The following DTD1 variants were observed in gnomAD, a reference collection of about 807,000 sequenced individuals.
DTD1 encodes D-aminoacyl-tRNA deacylase 1.
DTD1 carries 13 observed loss-of-function variants against 25.6 expected under a neutral mutation model. That is an observed-to-expected ratio of 0.51 (90% CI 0.33 to 0.81). The LOEUF (loss-of-function observed/expected upper bound fraction) is 0.81. Ranked by LOEUF, DTD1 falls within the 30% of genes least tolerant of loss-of-function variation. The pLI is 0.02. For missense variants in DTD1, 193 were observed against 266.4 expected (o/e 0.72, Z 1.92); for synonymous variants, 110 against 103.6 (o/e 1.06, Z -0.37).
At chr20:18,655,969 C>T (rs2122362409) in intron 4 of DTD1, among the ~76,000 whole-genome samples, 1 of 152,212 alleles carries the variant, frequency 6.6e-6, no homozygotes, top group East Asian at 1.9e-4. Context: ...CGGGGTTTCA[C>T]CATGTTGGCC....
intron 3 of DTD1, among the ~76,000 whole-genome samples, chr20:18,621,937 G>A (rs2060735937): frequency 6.6e-6 from 1 of 152,126 alleles, no homozygotes. Flanking sequence ...GGTGGTGGGC[G>A]CCTGTAGTCC....
chr20:18,648,898 A>T (rs1600342960), intron 4 of DTD1, among the ~76,000 whole-genome samples: 1 of 138,906 alleles, frequency 7.2e-6, no homozygotes, highest in East Asian at 2.3e-4. Flanking sequence ...CGGGAGGCTG[A>T]GGCGGGAGAA....
intron 3 of DTD1, among the ~76,000 whole-genome samples, chr20:18,622,489 C>T (rs1687235742): frequency 6.6e-6 from 1 of 152,180 alleles, no homozygotes; most frequent in African/African-American, 2.4e-5. Flanking sequence ...TCATTTTCTC[C>T]AGGCTTTTTC....
At chr20:18,758,644 T>C (rs938815166) in intron 5 of DTD1, among the ~76,000 whole-genome samples, 1 of 152,216 alleles carries the variant, frequency 6.6e-6, no homozygotes, top group African/African-American at 2.4e-5. Flanking sequence ...AGACAGTTTG[T>C]TGTAATTTGT....
intron 3 of DTD1, among the ~76,000 whole-genome samples, chr20:18,602,217 T>C: frequency 1.1e-5 from 1 of 89,092 alleles, no homozygotes; most frequent in Non-Finnish European, 2.4e-5. Context: ...GAAGGGAAGT[T>C]TAGAGAAAAA....
intron 4 of DTD1, among the ~76,000 whole-genome samples, chr20:18,659,753 G>C (rs1407632432): frequency 2.0e-5 from 3 of 151,928 alleles, no homozygotes; most frequent in East Asian, 1.9e-4. Context: ...GGGCCTGTCA[G>C]GGAGTGGGGG....
chr20:18,758,480 C>T (rs2061348143), intron 5 of DTD1, among the ~76,000 whole-genome samples: 1 of 152,142 alleles, frequency 6.6e-6, no homozygotes, highest in Non-Finnish European at 1.5e-5. Flanking sequence ...TGTCTTTGTT[C>T]TCGTTGGTTT....
intron 4 of DTD1, among the ~76,000 whole-genome samples, chr20:18,740,713 C>T (rs938665194): frequency 6.6e-6 from 1 of 152,232 alleles, no homozygotes; most frequent in Middle Eastern, 3.4e-3. Flanking sequence ...CCATCTTAAC[C>T]ATTTTAAGTG....
intron 4 of DTD1, among the ~76,000 whole-genome samples, chr20:18,735,720 CTTGAG>C (rs983119741): frequency 1.3e-5 from 2 of 152,198 alleles, no homozygotes; most frequent in Admixed American, 6.5e-5. Flanking sequence ...AAGAATAAGT[CTTGAG>C]TTGAGTTGAG....
intron 3 of DTD1, among the ~76,000 whole-genome samples, chr20:18,626,121 A>G (rs546676192): frequency 3.9e-5 from 6 of 152,232 alleles, no homozygotes; most frequent in Non-Finnish European, 8.8e-5. Flanking sequence ...AGGCATGACA[A>G]TAGTAATAAT....
chr20:18,751,493 C>CTT (rs778107166), intron 5 of DTD1, among the ~76,000 whole-genome samples: 13 of 144,934 alleles, frequency 9.0e-5, no homozygotes, highest in African/African-American at 2.3e-4. Flanking sequence ...CTTAAATAGT[C>CTT]TTTTTTTTTT....
At position 18,696,386 on chromosome 20, in the gene DTD1, G is replaced by A. The variant is rs146458944; in HGVS notation, c.478-47714G>A. Among the ~76,000 whole-genome samples, 163 of 152,248 alleles carry A rather than the reference G, an allele frequency of 1.1e-3. 1 individual carries two copies. Among genetic ancestry groups the A allele is most frequent in the African/African-American group, 3.7e-3 (155 of 41,534 alleles). On this transcript the variant is annotated intron_variant, in intron 4 of 5. Coordinates refer to ENST00000377452, the MANE Select transcript of DTD1 (RefSeq NM_080820.6). ...GTTTCCACGTCTTTCTCGGTCTCAGGTGGTTTGGTTACCCCAGCCCTTCAG... is the reference window on the plus strand; with the variant it reads ...GTTTCCACGTCTTTCTCGGTCTCAGATGGTTTGGTTACCCCAGCCCTTCAG...
chr20:18,614,508 A>T, intron 3 of DTD1, among the ~76,000 whole-genome samples: 1 of 152,148 alleles, frequency 6.6e-6, no homozygotes, highest in East Asian at 1.9e-4. Flanking sequence ...CAGGTGTGTG[A>T]CTGGCCTGAG....
In DTD1 at chr20:18,765,967, C is replaced by G. The variant is rs1249351901; in HGVS notation, c.*2627C>G. The G allele has an allele frequency of 1.3e-5, 2 of 152,240 alleles. No homozygotes were observed. The highest frequency in any genetic ancestry group is 3.9e-4 in the East Asian group (2 of 5,194). 9.4% of individuals were successfully genotyped at this position (152,240 alleles called of 1,614,324 possible). A position where few individuals can be genotyped will look rare whatever the true frequency, so the allele number is the denominator to read the frequency against. On this transcript the variant is annotated 3_prime_UTR_variant, in exon 6 of 6. Coordinates refer to ENST00000377452, the MANE Select transcript of DTD1 (RefSeq NM_080820.6). Reference sequence around the variant, plus strand: ...GTGCTGTGCCGATAACACTGCATAGCAGGACCCATTTAATCTTGCCTTTGG... The same window carrying G: ...GTGCTGTGCCGATAACACTGCATAGGAGGACCCATTTAATCTTGCCTTTGG...
In DTD1 at chr20:18,624,868, G is replaced by C. The variant is rs1350177372; in HGVS notation, c.371-3259G>C. On this transcript the variant is annotated intron_variant, in intron 3 of 5. Transcript: ENST00000377452. ...GCATAGTTGGGAATTTAACTTCCCA[G>C]CTAAAGGTAAACTTTGGTCCTAGAC... Among the ~76,000 whole-genome samples, 4 of 152,264 alleles carry C rather than the reference G, an allele frequency of 2.6e-5. No individual in the cohort carries two copies. The East Asian group carries it at 7.7e-4, about 29-fold the overall frequency.
intron 4 of DTD1, among the ~76,000 whole-genome samples, chr20:18,689,285 G>C (rs1036083803): frequency 6.6e-6 from 1 of 152,058 alleles, no homozygotes; most frequent in Non-Finnish European, 1.5e-5. Context: ...TCCACTGCCC[G>C]CCCCCTTTGT....
chr20:18,763,529 T>A lies in DTD1; in HGVS notation c.*189T>A, dbSNP rs1290558120. ...GGACCGTTTTATCGTTTTCTGTTGT[T>A]GCTGTGGTGGAGTGATGCAGTGGGC... is the stretch of plus-strand genomic sequence containing the variant. On this transcript the variant is annotated 3_prime_UTR_variant, in exon 6 of 6. Transcript: ENST00000377452. 1 of 152,738 alleles carries A rather than the reference T, an allele frequency of 6.5e-6. No individual in the cohort carries two copies. Among genetic ancestry groups the A allele is most frequent in the African/African-American group, 2.4e-5 (1 of 41,472 alleles). 9.5% of individuals were successfully genotyped at this position (152,738 alleles called of 1,614,324 possible).
chr20:18,597,568 A>C (rs1323010200), intron 3 of DTD1, among the ~76,000 whole-genome samples: 2 of 152,076 alleles, frequency 1.3e-5, no homozygotes, highest in Non-Finnish European at 2.9e-5. Context: ...CCATTAATCT[A>C]CTTTCCGTCT....
intron 5 of DTD1, among the ~76,000 whole-genome samples, chr20:18,760,464 T>G (rs1372270414): frequency 6.6e-6 from 1 of 152,224 alleles, no homozygotes; most frequent in African/African-American, 2.4e-5. Flanking sequence ...GTCAGGACCC[T>G]CAGCTGCAGG....
Sources: gnomAD v4.1 joint callset for allele counts (sites outside exome capture counted in the v4.1 genomes callset) on GRCh38, gnomAD v4.1.1 for gene constraint, MANE v1.5 for transcripts, NCBI Gene and HGNC (gene_info 2026-07-23, HGNC 2026-07-21) for gene names.